Variants in NPAS3 observed in about 807,000 individuals in gnomAD.
The protein encoded by NPAS3 is neuronal PAS domain-containing protein 3.
A neutral mutation model predicts 73.1 loss-of-function variants in NPAS3; 14 were observed. That is an observed-to-expected ratio of 0.19 (90% confidence interval 0.13 to 0.30). The LOEUF (loss-of-function observed/expected upper bound fraction) is 0.30, where lower values mean the gene tolerates loss of function less well. Ranked by LOEUF, NPAS3 falls within the 10% of genes least tolerant of loss-of-function variation. The pLI is 1.00. For synonymous variants in NPAS3, 620 were observed against 541.5 expected (o/e 1.14, Z -2.01); for missense variants, 1,096 against 1,250.0 (o/e 0.88, Z 1.86).
At chr14:33,201,669 A>G (rs1269229264) in intron 2 of NPAS3, among the ~76,000 whole-genome samples, 1 of 152,216 alleles carries the variant, frequency 6.6e-6, no homozygotes, top group Non-Finnish European at 1.5e-5. Context: ...TTCAGGGGGA[A>G]ATGTTCAATC....
intron 2 of NPAS3, among the ~76,000 whole-genome samples, chr14:33,059,073 T>C (rs1194718895): frequency 6.6e-6 from 1 of 152,214 alleles, no homozygotes; most frequent in East Asian, 1.9e-4. Flanking sequence ...CGTTAGTAAC[T>C]TGAAGTTGCA....
intron 1 of NPAS3, among the ~76,000 whole-genome samples, chr14:33,008,021 A>G (rs1405733829): frequency 6.6e-6 from 1 of 152,246 alleles, no homozygotes; most frequent in Admixed American, 6.5e-5. Context: ...GAAGAAAGAA[A>G]AAAATATCCT....
chr14:33,672,538 G>A (rs1595406102), intron 5 of NPAS3, among the ~76,000 whole-genome samples: 1 of 152,138 alleles, frequency 6.6e-6, no homozygotes, highest in Non-Finnish European at 1.5e-5. Context: ...CATTGGATTG[G>A]AGCTCTATTT....
intron 4 of NPAS3, among the ~76,000 whole-genome samples, chr14:33,502,618 CT>C (rs1335166598): frequency 7.0e-6 from 1 of 142,514 alleles, no homozygotes; most frequent in Non-Finnish European, 1.5e-5. Flanking sequence ...CTGCTTACCC[CT>C]GTTATGAAGT....
At chr14:33,184,699 G>T (rs2045922187) in intron 2 of NPAS3, among the ~76,000 whole-genome samples, 1 of 152,158 alleles carries the variant, frequency 6.6e-6, no homozygotes, top group Admixed American at 6.5e-5. Flanking sequence ...AGGGATAAGA[G>T]AACCTGTAAG....
chr14:33,281,063 G>T lies in NPAS3; in HGVS notation c.385+65637G>T, dbSNP rs1013838696. ...ATACTAAGGAGATAAGAGTTCACTT[G>T]ATGCCCTCCTCTTCTTACGGTAGTG... On this transcript the variant is annotated intron_variant, in intron 3 of 11. Transcript: ENST00000356141. Among the ~76,000 whole-genome samples, 14 of 152,186 alleles carry T rather than the reference G, an allele frequency of 9.2e-5. 1 individual carries two copies. The highest frequency in any genetic ancestry group is 1.9e-4 in the Non-Finnish European group (13 of 68,040).
chr14:33,199,092 G>A (rs1299498428), intron 2 of NPAS3, among the ~76,000 whole-genome samples: 1 of 152,180 alleles, frequency 6.6e-6, no homozygotes, highest in African/African-American at 2.4e-5. Flanking sequence ...CGAGCTCCGT[G>A]TGCAGCCCTG....
At chr14:33,090,847 CAA>C (rs999674423) in intron 2 of NPAS3, among the ~76,000 whole-genome samples, 3 of 152,210 alleles carry the variant, frequency 2.0e-5, no homozygotes, top group African/African-American at 7.2e-5. Flanking sequence ...GAAACTCACT[CAA>C]AACCGCTCAA....
intron 2 of NPAS3, among the ~76,000 whole-genome samples, chr14:33,196,707 G>A (rs898279355): frequency 6.6e-6 from 1 of 152,170 alleles, no homozygotes; most frequent in Non-Finnish European, 1.5e-5. Flanking sequence ...AATTGTTCAA[G>A]AGCTCATTTG....
intron 6 of NPAS3, among the ~76,000 whole-genome samples, chr14:33,711,723 G>A (rs1485710519): frequency 6.6e-6 from 1 of 152,106 alleles, no homozygotes; most frequent in African/African-American, 2.4e-5. Flanking sequence ...GCAAGTGTCA[G>A]GTTAAAGGGA....
chr14:33,229,761 C>CA (rs1381591849), intron 3 of NPAS3, among the ~76,000 whole-genome samples: 1 of 151,852 alleles, frequency 6.6e-6, no homozygotes, highest in Admixed American at 6.6e-5. Flanking sequence ...AACCCCTAAA[C>CA]AAAAAAATCT....
chr14:33,690,731 T>G (rs1208182735), intron 6 of NPAS3, among the ~76,000 whole-genome samples: 1 of 152,184 alleles, frequency 6.6e-6, no homozygotes, highest in African/African-American at 2.4e-5. Flanking sequence ...TACACGCATA[T>G]ATTGTGTTGA....
At chr14:33,249,379 C>T (rs1371485481) in intron 3 of NPAS3, among the ~76,000 whole-genome samples, 2 of 149,638 alleles carry the variant, frequency 1.3e-5, no homozygotes, top group Non-Finnish European at 3.0e-5. Flanking sequence ...CTAACAGTCT[C>T]ATCTGAAATG....
At chr14:33,178,828 A>G (rs994958160) in intron 2 of NPAS3, among the ~76,000 whole-genome samples, 2 of 152,136 alleles carry the variant, frequency 1.3e-5, no homozygotes, top group East Asian at 3.9e-4. Context: ...TTTCAAACTG[A>G]TCTATCAGTA....
intron 1 of NPAS3, among the ~76,000 whole-genome samples, chr14:33,037,873 T>C (rs2040222413): frequency 6.6e-6 from 1 of 152,208 alleles, no homozygotes; most frequent in Admixed American, 6.5e-5. Context: ...TCCCAATAAC[T>C]GATTGGATTG....
At chr14:33,234,590 G>A (rs545027409) in intron 3 of NPAS3, among the ~76,000 whole-genome samples, 2 of 152,186 alleles carry the variant, frequency 1.3e-5, no homozygotes, top group Admixed American at 6.6e-5. Context: ...TGAAATTAGA[G>A]AGAGTTGGTG....
intron 5 of NPAS3, among the ~76,000 whole-genome samples, chr14:33,595,735 T>A (rs1211453747): frequency 3.9e-5 from 6 of 152,012 alleles, no homozygotes; most frequent in African/African-American, 1.4e-4. Flanking sequence ...CAGTGGCGCG[T>A]TCTCGGCTCA....
exon 12 of NPAS3, chr14:33,799,805 C>A: frequency 5.6e-6 from 9 of 1,613,398 alleles, no homozygotes; most frequent in South Asian, 1.1e-5. Flanking sequence ...GGAGCCCGAC[C>A]GGAAGAAGTC....
intron 7 of NPAS3, among the ~76,000 whole-genome samples, chr14:33,759,895 G>A (rs149267025): frequency 6.6e-6 from 1 of 152,206 alleles, no homozygotes. Flanking sequence ...ATATGATAAA[G>A]TTTCTAGAAT....
Sources: gnomAD v4.1 joint callset for allele counts (sites outside exome capture counted in the v4.1 genomes callset) on GRCh38, gnomAD v4.1.1 for gene constraint, MANE v1.5 for transcripts, NCBI Gene and HGNC (gene_info 2026-07-23, HGNC 2026-07-21) for gene names.